STK31: variants seen among roughly 807,000 people sequenced by gnomAD.
The protein encoded by STK31 is serine/threonine kinase 31, also known as serine/threonine-protein kinase 31.
STK31 carries 89 observed loss-of-function variants against 129.7 expected under a neutral mutation model. The ratio of observed to expected loss-of-function variants is 0.69; its 90% CI spans 0.58 to 0.82. The LOEUF (loss-of-function observed/expected upper bound fraction) is 0.82. STK31 is among the 40% of genes least tolerant of loss of function. The probability of loss-of-function intolerance (pLI) is 0.00; values close to 1 mark genes in which losing one functional copy is unlikely to be tolerated. For synonymous variants in STK31, 448 were observed against 395.3 expected (o/e 1.13, Z -1.58); for missense variants, 1,187 against 1,176.4 (o/e 1.01, Z -0.13).
At chr7:23,721,151 T>G (rs550640900) in intron 4 of STK31, among the ~76,000 whole-genome samples, 2 of 152,324 alleles carry the variant, frequency 1.3e-5, no homozygotes, top group South Asian at 2.1e-4. Flanking sequence ...AAGGGATTCT[T>G]TTACATTATT....
At chr7:23,772,937 G>A (rs994933432) in intron 15 of STK31, among the ~76,000 whole-genome samples, 2 of 152,116 alleles carry the variant, frequency 1.3e-5, no homozygotes, top group East Asian at 1.9e-4. Flanking sequence ...GGGGTGGAGC[G>A]GAGGACTATT....
intron 22 of STK31, among the ~76,000 whole-genome samples, chr7:23,807,795 G>A (rs1792804172): frequency 6.6e-6 from 1 of 151,734 alleles, no homozygotes; most frequent in Non-Finnish European, 1.5e-5. Flanking sequence ...AGATTCATTA[G>A]TGCTTTCCTG....
At chr7:23,743,392 A>G (rs1464804139) in intron 8 of STK31, among the ~76,000 whole-genome samples, 1 of 152,136 alleles carries the variant, frequency 6.6e-6, no homozygotes, top group African/African-American at 2.4e-5. Context: ...TTCTTCATTC[A>G]TGAAAGACAA....
chr7:23,735,998 G>T, intron 7 of STK31, 102 bp downstream of exon 7: 1 of 921,658 alleles, frequency 1.1e-6, no homozygotes, highest in Non-Finnish European at 1.6e-6. Flanking sequence ...TACTGTGTCA[G>T]TGATTTTAAG....
chr7:23,740,312 C>T (rs1003749785), intron 8 of STK31, among the ~76,000 whole-genome samples: 1 of 152,126 alleles, frequency 6.6e-6, no homozygotes, highest in Non-Finnish European at 1.5e-5. Context: ...TTGATGCACA[C>T]ATTATCCCCT....
intron 23 of STK31, among the ~76,000 whole-genome samples, chr7:23,820,498 A>T (rs1793731985): frequency 6.6e-6 from 1 of 152,188 alleles, no homozygotes. Flanking sequence ...GGTATCCATT[A>T]TCTTATTTAT....
At chr7:23,759,960 G>C (rs1269078151) in intron 10 of STK31, among the ~76,000 whole-genome samples, 1 of 152,138 alleles carries the variant, frequency 6.6e-6, no homozygotes, top group Admixed American at 6.5e-5. Flanking sequence ...GGTCTGAGTG[G>C]TGTGTTTTAT....
intron 3 of STK31, 31 bp downstream of exon 3, chr7:23,712,317 C>T (rs763208886): frequency 2.5e-6 from 4 of 1,609,798 alleles, no homozygotes; most frequent in South Asian, 2.2e-5. Flanking sequence ...TATCCCCCCT[C>T]ACCTCCCCCA....
At chr7:23,722,545 T>G (rs1253776382) in intron 4 of STK31, 1 of 152,524 alleles carries the variant, frequency 6.6e-6, no homozygotes, top group Admixed American at 6.5e-5. Flanking sequence ...GGGACCCACT[T>G]GAGGATACAG....
intron 23 of STK31, among the ~76,000 whole-genome samples, chr7:23,827,509 CA>C (rs1337586928): frequency 6.6e-6 from 1 of 151,972 alleles, no homozygotes; most frequent in Non-Finnish European, 1.5e-5. Flanking sequence ...TTATTTTTTT[CA>C]AAGTTTTTAA....
chr7:23,726,518 A>C (rs2128071453), intron 4 of STK31: 1 of 146,664 alleles, frequency 6.8e-6, no homozygotes, highest in Non-Finnish European at 1.5e-5. Flanking sequence ...GTGGGGACTG[A>C]GGTGGGAGGA....
chr7:23,781,616 A>G (rs1790930690), intron 16 of STK31, 96 bp downstream of exon 16: 7 of 821,328 alleles, frequency 8.5e-6, no homozygotes, highest in Non-Finnish European at 1.3e-5. Flanking sequence ...TCACAAGGCT[A>G]GAGGTATTAT....
chr7:23,783,612 G>C lies in STK31; in HGVS notation c.2097G>C (p.Trp699Cys), dbSNP rs768785911. The C allele has an allele frequency of 1.8e-5, 29 of 1,611,208 alleles. No homozygotes were observed. Among genetic ancestry groups the C allele is most frequent in the Non-Finnish European group, 2.4e-5 (28 of 1,179,384 alleles). Residue 699 changes from tryptophan (W) to cysteine (C), a missense_variant, in exon 17 of 24, where the codon TGG becomes TGC. Around this residue, in one of 5 missense-constraint regions of STK31, gnomAD observed 975 missense variants for 934.9 expected, o/e 1.04. Coordinates refer to ENST00000355870, the MANE Select transcript of STK31 (RefSeq NM_031414.5). The stretch of plus-strand genomic sequence containing the variant: ...TGCTAACTAGTTTGGCACAGAAATG[G>C]TTCCCTGAGCTGCCTCTGCTTCATC... ...YEMLTSLAQK[W>C]FPELPLLHPE... is the part of the protein sequence containing the mutation.
At chr7:23,754,278 T>G in intron 9 of STK31, 37 bp from the exon 10 acceptor site, 1 of 1,591,864 alleles carries the variant, frequency 6.3e-7, no homozygotes, top group Non-Finnish European at 8.5e-7. Flanking sequence ...GCTTTCTAAT[T>G]TATTGATCTT....
At chr7:23,733,578 G>T (rs1362805182) in intron 6 of STK31, among the ~76,000 whole-genome samples, 5 of 151,798 alleles carry the variant, frequency 3.3e-5, no homozygotes, top group African/African-American at 1.2e-4. Context: ...GGAGACTGAG[G>T]TGGGCGGATC....
In STK31 at chr7:23,712,116, A is replaced by G. The variant is rs544816988; in HGVS notation, c.68A>G (p.Gln23Arg). 4 of 1,611,624 alleles carry G rather than the reference A, an allele frequency of 2.5e-6. No individual in the cohort carries two copies. In the African/African-American group the frequency reaches 5.3e-5, roughly 22 times the overall value. The change falls in exon 2 of 24, where the codon CAA becomes CGA. Residue 23 changes from glutamine to arginine, a missense_variant. This residue lies in a region of STK31 where 104 missense variants were observed against 98.3 expected (regional missense o/e 1.06). Transcript: ENST00000355870. ...TESVSFSGIVQMDEDTHYDKV... is the reference protein window; with the variant it reads ...TESVSFSGIVRMDEDTHYDKV... ...TGTTCTAGTTTTTCAGGAATTGTTC[A>G]AATGGATGAAGATACACATTACGAT...
intron 22 of STK31, among the ~76,000 whole-genome samples, chr7:23,798,139 A>G (rs1314471172): frequency 6.6e-6 from 1 of 152,224 alleles, no homozygotes; most frequent in African/African-American, 2.4e-5. Context: ...GTCCAGGACC[A>G]GACAGATACA....
At chr7:23,789,231 T>C (rs530043177) in intron 21 of STK31, among the ~76,000 whole-genome samples, 121 of 152,220 alleles carry the variant, frequency 7.9e-4, no homozygotes, top group African/African-American at 2.5e-3. Context: ...TTTATACTTA[T>C]TGGTTATATG....
chr7:23,812,712 C>T (rs1473123468), intron 22 of STK31, among the ~76,000 whole-genome samples: 1 of 150,232 alleles, frequency 6.7e-6, no homozygotes, highest in Non-Finnish European at 1.5e-5. Context: ...ATTCGACATT[C>T]TGTGTCCATA....
Sources: allele counts gnomAD v4.1 joint callset (sites outside exome capture counted in the v4.1 genomes callset), GRCh38; gene constraint gnomAD v4.1.1; regional missense constraint gnomAD v4.1.1; transcripts MANE v1.5; gene names NCBI Gene and HGNC (gene_info 2026-07-23, HGNC 2026-07-21).